TMCC3: variants seen among roughly 807,000 people sequenced by gnomAD.
TMCC3 encodes transmembrane and coiled-coil domain protein 3.
TMCC3 carries 28 observed loss-of-function variants against 40.2 expected under a neutral mutation model. The observed-to-expected ratio is 0.70, with a 90% CI of 0.52 to 0.95. The LOEUF (loss-of-function observed/expected upper bound fraction) is 0.95, where lower values mean the gene tolerates loss of function less well. Among genes scored for constraint, TMCC3 ranks in the 40% least tolerant of loss-of-function variants. The pLI is 0.00. For missense variants in TMCC3, 554 were observed against 615.2 expected, an observed-to-expected ratio of 0.90 and a Z score of 1.05; for synonymous variants, 255 against 248.5, an observed-to-expected ratio of 1.03 and a Z score of -0.25.
At chr12:94,619,993 G>A (rs1289050122) in intron 1 of TMCC3, among the ~76,000 whole-genome samples, 1 of 151,984 alleles carries the variant, frequency 6.6e-6, no homozygotes, top group Non-Finnish European at 1.5e-5. Context: ...GAGAAACCCT[G>A]TCTCTACTAA....
chr12:94,578,171 A>AAAAG (rs2068578206), intron 3 of TMCC3, among the ~76,000 whole-genome samples: 7 of 147,868 alleles, frequency 4.7e-5, no homozygotes, highest in South Asian at 2.2e-4. Context: ...AAAAAAAAGA[A>AAAAG]AAAGAAAAAG....
At chr12:94,626,023 C>T (rs750714036) in intron 1 of TMCC3, among the ~76,000 whole-genome samples, 5 of 152,066 alleles carry the variant, frequency 3.3e-5, no homozygotes, top group Non-Finnish European at 5.9e-5. Flanking sequence ...CTCACAGTTC[C>T]GCATGGCTGG....
chr12:94,627,527 AC>A (rs959572932), intron 1 of TMCC3, among the ~76,000 whole-genome samples: 1 of 151,692 alleles, frequency 6.6e-6, no homozygotes, highest in African/African-American at 2.4e-5. Flanking sequence ...CACCTCTCAG[AC>A]CCCATGTCCC....
intron 1 of TMCC3, among the ~76,000 whole-genome samples, chr12:94,600,069 A>T (rs2068743522): frequency 6.6e-6 from 1 of 152,138 alleles, no homozygotes; most frequent in East Asian, 1.9e-4. Flanking sequence ...AGGGAGAGAG[A>T]GAAAATGAAT....
At chr12:94,623,724 G>A (rs1310061718) in intron 1 of TMCC3, among the ~76,000 whole-genome samples, 1 of 152,246 alleles carries the variant, frequency 6.6e-6, no homozygotes, top group African/African-American at 2.4e-5. Flanking sequence ...GGAAACACGT[G>A]TGGGCTAGGC....
At chr12:94,639,945 G>T (rs1594300073) in intron 1 of TMCC3, among the ~76,000 whole-genome samples, 1 of 151,926 alleles carries the variant, frequency 6.6e-6, no homozygotes, top group South Asian at 2.1e-4. Context: ...CTAGACCATG[G>T]GTCTAAAGAT....
Position 94,569,943 on chromosome 12 carries a change from C to CAGA in TMCC3, c.*1491_*1492insTCT, listed in dbSNP as rs2068516855. The stretch of plus-strand genomic sequence containing the variant: ...CCATGAACATTGTTTCCATCTTCCT[C>CAGA]TTTGTTATACACACAGAGACACAGA... On this transcript the variant is annotated 3_prime_UTR_variant, in exon 4 of 4. Transcript: ENST00000261226. 2 of 152,224 alleles carry CAGA rather than the reference C, an allele frequency of 1.3e-5. No homozygotes were observed. The highest frequency in any genetic ancestry group is 4.8e-5 in the African/African-American group (2 of 41,444). 9.4% of individuals were successfully genotyped at this position (152,224 alleles called of 1,614,324 possible). A position where few individuals can be genotyped will look rare whatever the true frequency, so the allele number is the denominator to read the frequency against.
chr12:94,585,854 C>G (rs1259665371), intron 1 of TMCC3, among the ~76,000 whole-genome samples: 1 of 152,194 alleles, frequency 6.6e-6, no homozygotes, highest in East Asian at 1.9e-4. Flanking sequence ...TGCACTTTAA[C>G]CCCCTGCAGA....
chr12:94,628,550 G>A (rs1317693211), intron 1 of TMCC3, among the ~76,000 whole-genome samples: 2 of 152,232 alleles, frequency 1.3e-5, no homozygotes, highest in Admixed American at 1.3e-4. Flanking sequence ...TGGCAGGAGT[G>A]AGCTATTCTA....
chr12:94,622,175 G>C (rs1399828631), intron 1 of TMCC3, among the ~76,000 whole-genome samples: 1 of 152,082 alleles, frequency 6.6e-6, no homozygotes, highest in Non-Finnish European at 1.5e-5. Context: ...GGAGAGAGGA[G>C]TACTCCACAC....
chr12:94,643,189 TA>T (rs61336218), intron 1 of TMCC3, among the ~76,000 whole-genome samples: 9 of 148,170 alleles, frequency 6.1e-5, no homozygotes, highest in East Asian at 4.0e-4. Context: ...AGACTCTGTC[TA>T]AAAAAAAAAG....
At chr12:94,582,914 C>T (rs1438559152) in intron 1 of TMCC3, among the ~76,000 whole-genome samples, 1 of 150,548 alleles carries the variant, frequency 6.6e-6, no homozygotes, top group African/African-American at 2.4e-5. Context: ...AACTTCACCA[C>T]TATGGGGAAC....
rs201156920 is a variant in TMCC3, at chr12:94,571,674, C to A, written c.1195G>T (p.Ala399Ser). The A allele has an allele frequency of 9.5e-5, 154 of 1,614,204 alleles. No homozygotes were observed. The highest frequency in any genetic ancestry group is 1.2e-4 in the Non-Finnish European group (139 of 1,180,044). Residue 399 changes from alanine (A) to serine (S), a missense_variant, in exon 4 of 4, where the codon GCT (alanine) becomes TCT (serine). Physicochemically the swap from Ala to Ser is moderately conservative, Grantham distance 99. Coordinates refer to ENST00000261226, the MANE Select transcript of TMCC3 (RefSeq NM_020698.4). The part of the protein sequence containing the change: ...KLELHQQEQQ[A>S]LQTDTVNAKV... ...GCATTCACGGTGTCTGTCTGCAGAG[C>A]TTGCTGCTCTTGCTGGTGGAGCTCC...
chr12:94,605,988 A>G (rs2068780434), intron 1 of TMCC3, among the ~76,000 whole-genome samples: 1 of 152,166 alleles, frequency 6.6e-6, no homozygotes, highest in Admixed American at 6.5e-5. Flanking sequence ...GAAAAAAAAA[A>G]TCCAAATGAG....
chr12:94,580,986 T>A (rs553341495), intron 2 of TMCC3, among the ~76,000 whole-genome samples: 1 of 152,320 alleles, frequency 6.6e-6, no homozygotes, highest in African/African-American at 2.4e-5. Context: ...CCTTCTCTAA[T>A]TGTCAGCTAA....
At chr12:94,615,812 A>G in intron 1 of TMCC3, 5 of 590,854 alleles carry the variant, frequency 8.5e-6, no homozygotes, top group Non-Finnish European at 1.1e-5. Context: ...TAAGAGCACA[A>G]AGACAAATTG....
chr12:94,619,567 C>T (rs943974161), intron 1 of TMCC3, among the ~76,000 whole-genome samples: 11 of 152,116 alleles, frequency 7.2e-5, no homozygotes, highest in African/African-American at 2.7e-4. Context: ...AGGAATCCTT[C>T]TGAAAATAAA....
At chr12:94,585,493 G>A (rs1208493894) in intron 1 of TMCC3, among the ~76,000 whole-genome samples, 3 of 151,948 alleles carry the variant, frequency 2.0e-5, no homozygotes, top group Admixed American at 6.6e-5. Flanking sequence ...TCAGGAGATC[G>A]AGACCATCCT....
chr12:94,612,476 A>G (rs2138860593), intron 1 of TMCC3, among the ~76,000 whole-genome samples: 1 of 151,076 alleles, frequency 6.6e-6, no homozygotes, highest in Middle Eastern at 3.4e-3. Context: ...ACACTCGGCT[A>G]ATTTTTTGTA....
Sources: gnomAD v4.1 joint callset for allele counts (sites outside exome capture counted in the v4.1 genomes callset) on GRCh38, gnomAD v4.1.1 for gene constraint, MANE v1.5 for transcripts, NCBI Gene and HGNC (gene_info 2026-07-23, HGNC 2026-07-21) for gene names.